Variants in FAF1 observed in about 807,000 individuals in gnomAD.
FAF1 encodes the protein Fas associated factor 1, also known as FAS-associated factor 1.
In FAF1, 25 loss-of-function variants were observed where a neutral mutation model predicts 92.5. That is an observed-to-expected ratio of 0.27 (90% CI 0.20 to 0.38). The LOEUF (loss-of-function observed/expected upper bound fraction) is 0.38. Among genes scored for constraint, FAF1 ranks in the 10% least tolerant of loss-of-function variants. The pLI is 1.00. For synonymous variants in FAF1, 234 were observed against 273.2 expected (o/e 0.86, Z 1.42); for missense variants, 636 against 793.3 (o/e 0.80, Z 2.38).
At chr1:50,663,772 T>C (rs1223494304) in intron 7 of FAF1, among the ~76,000 whole-genome samples, 1 of 151,658 alleles carries the variant, frequency 6.6e-6, no homozygotes, top group Non-Finnish European at 1.5e-5. Flanking sequence ...TCAAGTTTAC[T>C]GATACTAAAA....
At chr1:50,608,143 T>C (rs1489341053) in intron 8 of FAF1, among the ~76,000 whole-genome samples, 1 of 152,206 alleles carries the variant, frequency 6.6e-6, no homozygotes, top group Non-Finnish European at 1.5e-5. Context: ...GGGGTGGTTA[T>C]GCAGAAATTT....
At chr1:50,582,978 T>C (rs1651059141) in intron 11 of FAF1, among the ~76,000 whole-genome samples, 1 of 152,152 alleles carries the variant, frequency 6.6e-6, no homozygotes, top group Admixed American at 6.6e-5. Context: ...AAACTCTTGG[T>C]TACTCACTTT....
intron 18 of FAF1, among the ~76,000 whole-genome samples, chr1:50,456,524 T>C (rs1023960124): frequency 6.6e-6 from 1 of 152,202 alleles, no homozygotes. Context: ...GCTATGAAGA[T>C]ACCATGAGTT....
At chr1:50,524,463 C>G (rs1451028962) in intron 15 of FAF1, among the ~76,000 whole-genome samples, 2 of 152,180 alleles carry the variant, frequency 1.3e-5, no homozygotes, top group African/African-American at 4.8e-5. Context: ...TTTGCCCATG[C>G]CTATGTCCTG....
chr1:50,602,963 T>G (rs367768828), intron 8 of FAF1, among the ~76,000 whole-genome samples: 6 of 152,196 alleles, frequency 3.9e-5, no homozygotes, highest in African/African-American at 1.4e-4. Context: ...ACAATAACTC[T>G]GCCAGGTAAG....
At chr1:50,774,568 A>G (rs1353052628) in intron 4 of FAF1, among the ~76,000 whole-genome samples, 2 of 152,206 alleles carry the variant, frequency 1.3e-5, no homozygotes, top group Non-Finnish European at 2.9e-5. Flanking sequence ...AGAAAGATCA[A>G]AAAGAGAAAA....
intron 8 of FAF1, among the ~76,000 whole-genome samples, chr1:50,617,623 C>T (rs942860192): frequency 6.6e-6 from 1 of 150,936 alleles, no homozygotes; most frequent in Admixed American, 6.6e-5. Context: ...TTTATGGTCT[C>T]TGCCAGATTA....
At chr1:50,798,700 G>A (rs1357214815) in intron 3 of FAF1, among the ~76,000 whole-genome samples, 2 of 152,176 alleles carry the variant, frequency 1.3e-5, no homozygotes, top group African/African-American at 4.8e-5. Flanking sequence ...ACATCAGGCT[G>A]TATCATCTGG....
chr1:50,713,754 C>T (rs546888477), intron 6 of FAF1, among the ~76,000 whole-genome samples: 23 of 150,092 alleles, frequency 1.5e-4, no homozygotes, highest in African/African-American at 4.4e-4. Context: ...TAAGTCACTG[C>T]GCCTGGCAAA....
At chr1:50,544,433 AC>A (rs1648907662) in intron 13 of FAF1, among the ~76,000 whole-genome samples, 1 of 151,968 alleles carries the variant, frequency 6.6e-6, no homozygotes, top group Admixed American at 6.6e-5. Context: ...CTCCAACCCC[AC>A]CCCAGGTAAT....
intron 1 of FAF1, among the ~76,000 whole-genome samples, chr1:50,889,049 A>AT (rs1644695812): frequency 1.3e-5 from 2 of 152,014 alleles, no homozygotes; most frequent in Admixed American, 1.3e-4. Context: ...AGAGCCTGTT[A>AT]TTGGTCTATT....
At chr1:50,862,758 A>G (rs1264657232) in intron 1 of FAF1, among the ~76,000 whole-genome samples, 1 of 151,892 alleles carries the variant, frequency 6.6e-6, no homozygotes, top group African/African-American at 2.4e-5. Flanking sequence ...TGAGAAAAAA[A>G]CAAACTTTAA....
chr1:50,922,571 A>G (rs1158977164), intron 1 of FAF1, among the ~76,000 whole-genome samples: 1 of 151,482 alleles, frequency 6.6e-6, no homozygotes, highest in Non-Finnish European at 1.5e-5. Context: ...TAATCCCAGC[A>G]CTTTTGGGAA....
chr1:50,684,129 T>C (rs1046050323), intron 7 of FAF1, among the ~76,000 whole-genome samples: 5 of 149,826 alleles, frequency 3.3e-5, no homozygotes, highest in Admixed American at 1.3e-4. Flanking sequence ...AGTTAAGCAA[T>C]AGATGCCAAA....
At chr1:50,655,078 C>A (rs558639674) in intron 8 of FAF1, among the ~76,000 whole-genome samples, 1 of 150,910 alleles carries the variant, frequency 6.6e-6, no homozygotes, top group African/African-American at 2.4e-5. Context: ...TCAAGTGATT[C>A]TCTTATCTCA....
chr1:50,509,957 CAGG>C (rs1446391097), intron 15 of FAF1, among the ~76,000 whole-genome samples: 7 of 151,982 alleles, frequency 4.6e-5, no homozygotes, highest in Non-Finnish European at 1.0e-4. Context: ...TGCCTGAGCT[CAGG>C]AGTTCACAAC....
In FAF1 at chr1:50,541,462, A is replaced by G. The variant is rs534590430; in HGVS notation, c.1269-1734T>C. On this transcript the variant is annotated intron_variant, in intron 13 of 18. Transcript: ENST00000396153. Reference sequence around the variant, plus strand: ...CACCCATATAGCTTAACTCATCGATAGGGATGTATAGATCGTGAGATTAGA... The same window carrying G: ...CACCCATATAGCTTAACTCATCGATGGGGATGTATAGATCGTGAGATTAGA... Among the ~76,000 whole-genome samples, 421 of 152,288 alleles carry G rather than the reference A, an allele frequency of 2.8e-3. 5 individuals are homozygous for G. Among genetic ancestry groups the G allele is most frequent in the Non-Finnish European group, 4.6e-3 (313 of 68,014 alleles).
At chr1:50,799,184 G>C (rs748582023) in intron 3 of FAF1, among the ~76,000 whole-genome samples, 4 of 152,184 alleles carry the variant, frequency 2.6e-5, no homozygotes, top group Non-Finnish European at 5.9e-5. Flanking sequence ...TAATAGAGAG[G>C]ATAGAGCATG....
At chr1:50,635,895 C>G (rs759622687) in intron 8 of FAF1, among the ~76,000 whole-genome samples, 1 of 152,154 alleles carries the variant, frequency 6.6e-6, no homozygotes, top group East Asian at 1.9e-4. Flanking sequence ...GCCATCCATG[C>G]CTCTTGGTAT....
Sources: allele counts gnomAD v4.1 joint callset (sites outside exome capture counted in the v4.1 genomes callset), GRCh38; gene constraint gnomAD v4.1.1; transcripts MANE v1.5; gene names NCBI Gene and HGNC (gene_info 2026-07-23, HGNC 2026-07-21).